ALDH7A1: variants seen among roughly 807,000 people sequenced by gnomAD.
The protein encoded by ALDH7A1 is alpha-aminoadipic semialdehyde dehydrogenase.
Under a neutral mutation model 79.9 loss-of-function variants are expected in ALDH7A1, and 63 were observed. The observed-to-expected ratio is 0.79, with a 90% CI of 0.64 to 0.97. ALDH7A1 has a LOEUF of 0.97. Ranked by LOEUF, ALDH7A1 falls within the 50% of genes least tolerant of loss-of-function variation. The pLI, the probability that ALDH7A1 is intolerant of heterozygous loss-of-function variation, is 0.00. For missense variants in ALDH7A1, 627 were observed against 665.2 expected, an observed-to-expected ratio of 0.94 and a Z score of 0.63; for synonymous variants, 240 against 231.2, an observed-to-expected ratio of 1.04 and a Z score of -0.34.
intron 5 of ALDH7A1, 33 bp from the exon 6 acceptor site, chr5:126,577,244 G>A: frequency 2.5e-6 from 4 of 1,613,068 alleles, no homozygotes; most frequent in Non-Finnish European, 3.4e-6. Flanking sequence ...ACATGCAGAA[G>A]CATGTTAATT....
intron 3 of ALDH7A1, chr5:126,587,765 G>C (rs371975868): frequency 6.6e-6 from 1 of 152,080 alleles, no homozygotes; most frequent in Non-Finnish European, 1.5e-5. Context: ...AGGGAGGATC[G>C]AGATGGGAAA....
intron 5 of ALDH7A1, among the ~76,000 whole-genome samples, chr5:126,577,694 G>A (rs1751024956): frequency 6.6e-6 from 1 of 152,050 alleles, no homozygotes; most frequent in African/African-American, 2.4e-5. Context: ...ACCCTCCTGA[G>A]TAGCTGGGAT....
At chr5:126,565,153 G>A (rs1581375288) in intron 9 of ALDH7A1, among the ~76,000 whole-genome samples, 2 of 152,138 alleles carry the variant, frequency 1.3e-5, no homozygotes, top group African/African-American at 4.8e-5. Flanking sequence ...CCAGCACTTC[G>A]GGAGGCCAAG....
intron 9 of ALDH7A1, among the ~76,000 whole-genome samples, chr5:126,566,669 A>G (rs939080418): frequency 1.3e-5 from 2 of 152,148 alleles, no homozygotes; most frequent in African/African-American, 4.8e-5. Flanking sequence ...AACCCTTTTC[A>G]ATCATGTATC....
intron 12 of ALDH7A1, 75 bp from the exon 13 acceptor site, chr5:126,554,468 C>G (rs1466172550): frequency 3.4e-6 from 4 of 1,172,368 alleles, no homozygotes; most frequent in Non-Finnish European, 5.1e-6. Context: ...ACAGCTTTCT[C>G]AATGAACAGA....
At chr5:126,545,756 C>A (rs2112745196) in intron 17 of ALDH7A1, among the ~76,000 whole-genome samples, 1 of 150,874 alleles carries the variant, frequency 6.6e-6, no homozygotes, top group Admixed American at 6.6e-5. Flanking sequence ...CAGGCCACTG[C>A]ACTCCAGCCT....
At chr5:126,586,228 C>T (rs927137632) in intron 3 of ALDH7A1, 1 of 152,174 alleles carries the variant, frequency 6.6e-6, no homozygotes, top group Admixed American at 6.6e-5. Flanking sequence ...CATATGCACA[C>T]TTTTGGAAAC....
intron 3 of ALDH7A1, chr5:126,586,043 T>A (rs968732870): frequency 6.6e-6 from 1 of 152,180 alleles, no homozygotes; most frequent in East Asian, 1.9e-4. Flanking sequence ...TGGGAAAACA[T>A]TGAAAAGCTA....
intron 7 of ALDH7A1, among the ~76,000 whole-genome samples, chr5:126,572,646 T>C (rs1489221426): frequency 6.6e-6 from 1 of 152,222 alleles, no homozygotes; most frequent in Non-Finnish European, 1.5e-5. Flanking sequence ...TTTTTGGCCT[T>C]TCCTGAGTGC....
At chr5:126,554,454 T>A in intron 12 of ALDH7A1, 61 bp from the exon 13 acceptor site, 2 of 1,333,494 alleles carry the variant, frequency 1.5e-6, no homozygotes, top group Non-Finnish European at 2.2e-6. Context: ...GTTTTATTAT[T>A]AGAACAGCTT....
chr5:126,561,288 T>C, intron 9 of ALDH7A1, 164 bp from the exon 10 acceptor site: 1 of 453,134 alleles, frequency 2.2e-6, no homozygotes, highest in East Asian at 3.5e-5. Flanking sequence ...CCTATCCCAA[T>C]TATTTTTCAA....
In ALDH7A1 at chr5:126,577,134, C is replaced by A. The variant is rs1751002553; in HGVS notation, c.595G>T (p.Ala199Ser). 6.2e-7 allele frequency: 1 copy of A among 1,614,180 alleles called. No homozygotes were observed. Among genetic ancestry groups the A allele is most frequent in the South Asian group, 1.1e-5 (1 of 91,086 alleles). ...ATGGCGTTGTTCCAACCATACACTG[C>A]CACAGGGAAATTGAATGCCGTGATG... Reference protein sequence around the residue: ...GIITAFNFPVAVYGWNNAIAM... With the variant: ...GIITAFNFPVSVYGWNNAIAM... Residue 199 changes from alanine to serine, a missense_variant, in exon 6 of 18, where the codon GCA (alanine) becomes TCA (serine). Physicochemically the swap from Ala to Ser is moderately conservative, Grantham distance 99. Coordinates refer to ENST00000409134, the MANE Select transcript of ALDH7A1 (RefSeq NM_001182.5).
At chr5:126,558,965 TAGG>T (rs1472319163) in intron 11 of ALDH7A1, among the ~76,000 whole-genome samples, 1 of 152,272 alleles carries the variant, frequency 6.6e-6, no homozygotes, top group Non-Finnish European at 1.5e-5. Flanking sequence ...CATATTGTTC[TAGG>T]AGTAGGACTG....
chr5:126,562,833 C>T (rs58612932), intron 9 of ALDH7A1, among the ~76,000 whole-genome samples: 9,718 of 152,072 alleles, frequency 0.064, 456 homozygotes, highest in East Asian at 0.15. Flanking sequence ...GGCAACAGAG[C>T]GAGACTCCAT....
intron 5 of ALDH7A1, among the ~76,000 whole-genome samples, chr5:126,580,775 T>A (rs1213386924): frequency 6.6e-6 from 1 of 152,100 alleles, no homozygotes; most frequent in Admixed American, 6.6e-5. Context: ...AGTCACCTGT[T>A]TTGCTCTATC....
chr5:126,553,485 CAGT>C (rs1429798582), intron 13 of ALDH7A1: 2 of 152,224 alleles, frequency 1.3e-5, no homozygotes, highest in African/African-American at 4.8e-5. Flanking sequence ...AGGCCAAGGA[CAGT>C]GGATCACGAA....
At chr5:126,575,334 T>C in intron 7 of ALDH7A1, 86 bp downstream of exon 7, 1 of 1,287,008 alleles carries the variant, frequency 7.8e-7, no homozygotes, top group East Asian at 2.3e-5. Context: ...TATGTGACTC[T>C]GACATCAGAT....
At chr5:126,588,538 A>G (rs769711125) in intron 3 of ALDH7A1, 2 of 152,030 alleles carry the variant, frequency 1.3e-5, no homozygotes, top group Non-Finnish European at 2.9e-5. Context: ...TTTTTTTTTC[A>G]AATGTTTGTA....
intron 10 of ALDH7A1, among the ~76,000 whole-genome samples, chr5:126,560,389 T>C (rs138814909): frequency 0.058 from 8,793 of 152,164 alleles, 851 homozygotes; most frequent in African/African-American, 0.2. Flanking sequence ...GAGAACAGCT[T>C]GAACCTGGGA....
Sources: gnomAD v4.1 joint callset for allele counts (sites outside exome capture counted in the v4.1 genomes callset) on GRCh38, gnomAD v4.1.1 for gene constraint, MANE v1.5 for transcripts, NCBI Gene and HGNC (gene_info 2026-07-23, HGNC 2026-07-21) for gene names.